SLC19A1: variants seen among roughly 807,000 people sequenced by gnomAD.
SLC19A1 encodes the protein reduced folate transporter.
Under a neutral mutation model 35.3 loss-of-function variants are expected in SLC19A1, and 37 were observed. That is an observed-to-expected ratio of 1.05 (90% confidence interval 0.81 to 1.38). The LOEUF (loss-of-function observed/expected upper bound fraction) is 1.38, where lower values mean the gene tolerates loss of function less well. Ranked by LOEUF, SLC19A1 falls within the 40% of genes most tolerant of loss-of-function variation. The pLI, the probability that SLC19A1 is intolerant of heterozygous loss-of-function variation, is 0.00. For missense variants in SLC19A1, 831 were observed against 826.9 expected (o/e 1.00, Z -0.06); for synonymous variants, 460 against 398.5 (o/e 1.15, Z -1.84).
chr21:45,557,828 G>T (rs1269938981), intron 1 of SLC19A1, among the ~76,000 whole-genome samples: 1 of 152,222 alleles, frequency 6.6e-6, no homozygotes, highest in East Asian at 1.9e-4. Flanking sequence ...CCAGACAGTT[G>T]CGGAGGGGAA....
chr21:45,520,660 G>A (rs1196811084), intron 5 of SLC19A1, among the ~76,000 whole-genome samples: 3 of 152,164 alleles, frequency 2.0e-5, no homozygotes, highest in African/African-American at 7.2e-5. Flanking sequence ...CTTTCAAAAG[G>A]TAATTACGGT....
rs141348556 is a variant in SLC19A1 at position 45,522,600 on chromosome 21, G to A, written c.1293+3217C>T. On this transcript the variant is annotated intron_variant, in intron 5 of 5. Transcript: ENST00000311124. ...TCACACTGGAAACAAGTCTTTCAAC[G>A]GTGAATAAATAAAGTGTGCTGTACC... Among the ~76,000 whole-genome samples the A allele has an allele frequency of 2.4e-3, 372 of 152,248 alleles. 1 individual carries two copies. The highest frequency in any genetic ancestry group is 3.4e-3 in the Non-Finnish European group (229 of 68,018).
intron 1 of SLC19A1, among the ~76,000 whole-genome samples, chr21:45,556,152 G>C (rs1287599910): frequency 6.6e-6 from 1 of 152,232 alleles, no homozygotes; most frequent in East Asian, 1.9e-4. Flanking sequence ...GGACGCTCCC[G>C]TTCCAGTCCC....
At chr21:45,560,842 C>CGA (rs2078609049) in intron 1 of SLC19A1, among the ~76,000 whole-genome samples, 1 of 152,214 alleles carries the variant, frequency 6.6e-6, no homozygotes, top group African/African-American at 2.4e-5. Context: ...CCCGGAGAAT[C>CGA]GGCGCTGTCC....
chr21:45,538,554 C>T (rs1368903594), intron 1 of SLC19A1, among the ~76,000 whole-genome samples: 2 of 152,202 alleles, frequency 1.3e-5, no homozygotes, highest in Non-Finnish European at 2.9e-5. Context: ...CTGCAGGTAC[C>T]AGCCTCAGGT....
rs61265278 is a variant in SLC19A1 at position 45,525,965 on chromosome 21, G to A, written c.1152-7C>T. 25 of 1,612,384 alleles carry A rather than the reference G, an allele frequency of 1.6e-5. No individual in the cohort carries two copies. The highest frequency in any genetic ancestry group is 1.2e-4 in the Admixed American group (7 of 59,990). ...AGAAGATGCAATCTGAAAGCTGAAC[G>A]GGAAGAGCGGGCAGATCAGGCGCTG... On this transcript the variant is annotated splice_polypyrimidine_tract_variant and splice_region_variant and intron_variant, in intron 4 of 5. Transcript: ENST00000311124.
In SLC19A1 at chr21:45,512,595, C is replaced by CTGA. The variant is rs2037676434; in HGVS notation, c.*3060_*3062dup. 1 of 627,124 alleles carries CTGA rather than the reference C, an allele frequency of 1.6e-6. No homozygotes were observed. Among genetic ancestry groups the CTGA allele is most frequent in the African/African-American group, 1.8e-5 (1 of 54,272 alleles). The allele number at this position is 627,124 out of a possible 1,614,324, so 38.8% of individuals were successfully genotyped here. A position where few individuals can be genotyped will look rare whatever the true frequency, so the allele number is the denominator to read the frequency against. On this transcript the variant is annotated 3_prime_UTR_variant, in exon 6 of 6. Transcript: ENST00000311124. The stretch of plus-strand genomic sequence containing the variant: ...TTTTTTAAAAGTTTAAAACAGAAGC[C>CTGA]TGATGCTGACATTCACCTGCCCCAA...
downstream of SLC19A1, chr21:45,509,481 C>T (rs1314331608): frequency 2.0e-6 from 3 of 1,525,442 alleles, no homozygotes; most frequent in Admixed American, 3.8e-5. Context: ...TGGCCAGCCC[C>T]CCTCGCCTGC....
chr21:45,505,660 G>A (rs997561674), intron 3 of SLC19A1, among the ~76,000 whole-genome samples: 3 of 152,288 alleles, frequency 2.0e-5, no homozygotes, highest in Non-Finnish European at 4.4e-5. Context: ...CCACGGAGGC[G>A]CAGGAGCTGG....
intron 2 of SLC19A1, among the ~76,000 whole-genome samples, chr21:45,537,548 C>T (rs1427908133): frequency 1.4e-5 from 2 of 146,504 alleles, no homozygotes; most frequent in Admixed American, 6.8e-5. Flanking sequence ...CACAGGCGGC[C>T]GCCCGGCACC....
chr21:45,505,873 C>T, intron 3 of SLC19A1: 8 of 1,612,080 alleles, frequency 5.0e-6, no homozygotes, highest in Non-Finnish European at 5.9e-6. Flanking sequence ...CCATGCTGGG[C>T]CAGGTGCACG....
At chr21:45,543,420 C>A (rs1446676924), upstream of SLC19A1, among the ~76,000 whole-genome samples, 1 of 152,228 alleles carries the variant, frequency 6.6e-6, no homozygotes, top group South Asian at 2.1e-4. Flanking sequence ...ACCGTGGTAC[C>A]CACAGCTCAA....
intron 4 of SLC19A1, 32 bp from the exon 5 acceptor site, chr21:45,525,990 G>A (rs1015756181): frequency 5.0e-6 from 8 of 1,605,432 alleles, no homozygotes; most frequent in Admixed American, 1.7e-5. Flanking sequence ...ATCAGGCGCT[G>A]CTGGGAGAAT....
intron 5 of SLC19A1, among the ~76,000 whole-genome samples, chr21:45,519,317 G>T (rs528897697): frequency 1.3e-5 from 2 of 152,054 alleles, no homozygotes; most frequent in African/African-American, 4.8e-5. Flanking sequence ...AAACGAAATG[G>T]CAGACTTAGG....
intron 1 of SLC19A1, among the ~76,000 whole-genome samples, chr21:45,560,153 G>A (rs1321960480): frequency 6.6e-6 from 1 of 152,170 alleles, no homozygotes; most frequent in Non-Finnish European, 1.5e-5. Context: ...AGCCTTCCTG[G>A]GGAGCGGCCT....
At chr21:45,547,880 A>G (rs1184713055), upstream of SLC19A1, among the ~76,000 whole-genome samples, 1 of 152,224 alleles carries the variant, frequency 6.6e-6, no homozygotes, top group East Asian at 1.9e-4. Flanking sequence ...TTCATTGACA[A>G]TTGGAAGGCT....
intron 3 of SLC19A1, chr21:45,505,781 GCCCCTGC>G: frequency 1.6e-6 from 2 of 1,286,262 alleles, no homozygotes; most frequent in Non-Finnish European, 2.2e-6. Context: ...CCTTCCTTCC[GCCCCTGC>G]CCCCCGCCCT....
chr21:45,530,184 G>C lies in SLC19A1; in HGVS notation c.1151+586C>G, dbSNP rs1230300470. On this transcript the variant is annotated intron_variant, in intron 4 of 5. Transcript: ENST00000311124. This position sits in a 1 kb window ranked among gnomAD's most constrained non-coding sequence, Gnocchi z 5.3. ...TGTGTGTGTGGTGCGTCCATGTGTA[G>C]TGGGTGTCCATGTGTGATATATCCA... Among the ~76,000 whole-genome samples, 2 of 150,792 alleles carry C rather than the reference G, an allele frequency of 1.3e-5. No individual in the cohort carries two copies. The highest frequency in any genetic ancestry group is 3.0e-5 in the Non-Finnish European group (2 of 67,662).
At chr21:45,507,314 T>G (rs1328941582) in intron 3 of SLC19A1, 1 of 576,378 alleles carries the variant, frequency 1.7e-6, no homozygotes, top group East Asian at 3.1e-5. Flanking sequence ...GAGGGCACCC[T>G]CCTGTGGGCT....
Sources: gnomAD v4.1 joint callset for allele counts (sites outside exome capture counted in the v4.1 genomes callset) on GRCh38, gnomAD v4.1.1 for gene constraint, Gnocchi (gnomAD v3.1) non-coding constraint, MANE v1.5 for transcripts, NCBI Gene and HGNC (gene_info 2026-07-23, HGNC 2026-07-21) for gene names.